The following PRTFDC1 variants were observed in gnomAD, a reference collection of about 807,000 sequenced individuals.
PRTFDC1 encodes the protein phosphoribosyl transferase domain containing 1.
PRTFDC1 carries 38 observed loss-of-function variants against 34.6 expected under a neutral mutation model. That is an observed-to-expected ratio of 1.10 (90% CI 0.85 to 1.44). The LOEUF (loss-of-function observed/expected upper bound fraction) is 1.44. Ranked by LOEUF, PRTFDC1 falls within the 40% of genes most tolerant of loss-of-function variation. The pLI, the probability that PRTFDC1 is intolerant of heterozygous loss-of-function variation, is 0.00. For missense variants in PRTFDC1, 270 were observed against 283.0 expected (o/e 0.95, Z 0.33); for synonymous variants, 93 against 98.1 (o/e 0.95, Z 0.31).
intron 3 of PRTFDC1, among the ~76,000 whole-genome samples, chr10:24,921,265 T>C (rs1248999292): frequency 6.6e-6 from 1 of 152,146 alleles, no homozygotes; most frequent in Non-Finnish European, 1.5e-5. Flanking sequence ...TCAGATCTCT[T>C]ACACACGCCA....
At chr10:24,935,902 C>T (rs903880246) in intron 3 of PRTFDC1, among the ~76,000 whole-genome samples, 2 of 152,178 alleles carry the variant, frequency 1.3e-5, no homozygotes, top group African/African-American at 4.8e-5. Flanking sequence ...TGCCAACAGT[C>T]AGTGATCTTG....
At chr10:24,950,657 A>G (rs1336637462) in intron 1 of PRTFDC1, among the ~76,000 whole-genome samples, 3 of 151,514 alleles carry the variant, frequency 2.0e-5, no homozygotes, top group Admixed American at 1.3e-4. Flanking sequence ...CTGCTCAACA[A>G]TGCTCTATTC....
At chr10:24,949,711 T>TTTTGTTTG (rs1234679861) in intron 1 of PRTFDC1, among the ~76,000 whole-genome samples, 1 of 137,398 alleles carries the variant, frequency 7.3e-6, no homozygotes, top group African/African-American at 3.0e-5. Context: ...TACTCATTTT[T>TTTTGTTTG]TTTGTTTATT....
At chr10:24,907,785 C>T (rs1317097887) in intron 3 of PRTFDC1, among the ~76,000 whole-genome samples, 1 of 152,160 alleles carries the variant, frequency 6.6e-6, no homozygotes, top group East Asian at 1.9e-4. Context: ...ATGTGTTATA[C>T]ATTTATTGTT....
rs373907318 is a variant in PRTFDC1, at chr10:24,871,987, C to T, written c.405+11G>A. 1.9e-6 allele frequency: 3 copies of T among 1,602,784 alleles called. No homozygotes were observed. The African/African-American group carries it at 4.0e-5, about 21-fold the overall frequency. ...CCTCAATGCGGTCTGAGCACAGTTACATGAACAAACCTTTCCAGCCAGCGT... is the reference window on the plus strand; with the variant it reads ...CCTCAATGCGGTCTGAGCACAGTTATATGAACAAACCTTTCCAGCCAGCGT... On this transcript the variant is annotated intron_variant, in intron 4 of 8. Transcript: ENST00000320152.
intron 4 of PRTFDC1, among the ~76,000 whole-genome samples, chr10:24,861,096 T>C (rs1015174684): frequency 2.0e-5 from 3 of 152,100 alleles, no homozygotes; most frequent in Non-Finnish European, 4.4e-5. Flanking sequence ...TAAGATATAG[T>C]GGTAAGTGGG....
chr10:24,893,503 T>C (rs565091660), intron 3 of PRTFDC1, among the ~76,000 whole-genome samples: 185 of 152,240 alleles, frequency 1.2e-3, no homozygotes, highest in African/African-American at 4.3e-3. Context: ...TAGAGACAGG[T>C]CTCAATAGGT....
chr10:24,935,525 G>T (rs1412956938), intron 3 of PRTFDC1, among the ~76,000 whole-genome samples: 1 of 152,174 alleles, frequency 6.6e-6, no homozygotes, highest in African/African-American at 2.4e-5. Context: ...AGAGTCACAT[G>T]AGGAATGTGG....
At chr10:24,937,440 G>T in intron 2 of PRTFDC1, 73 bp from the exon 3 acceptor site, 1 of 1,363,872 alleles carries the variant, frequency 7.3e-7, no homozygotes, top group Non-Finnish European at 1.0e-6. Context: ...TGAAATGCAA[G>T]ATGTATTGTA....
At chr10:24,940,886 GC>G (rs1343341750) in intron 2 of PRTFDC1, among the ~76,000 whole-genome samples, 1 of 152,184 alleles carries the variant, frequency 6.6e-6, no homozygotes, top group African/African-American at 2.4e-5. Context: ...GGAAGTGGGA[GC>G]AGGGATTGGC....
At chr10:24,862,532 G>T (rs117081154) in intron 4 of PRTFDC1, among the ~76,000 whole-genome samples, 1 of 151,870 alleles carries the variant, frequency 6.6e-6, no homozygotes, top group East Asian at 1.9e-4. Flanking sequence ...GCACCATCAC[G>T]CATGCATAAT....
At chr10:24,912,730 C>T (rs1326173464) in intron 3 of PRTFDC1, among the ~76,000 whole-genome samples, 2 of 152,082 alleles carry the variant, frequency 1.3e-5, no homozygotes, top group Non-Finnish European at 2.9e-5. Flanking sequence ...TCTCTTTTAC[C>T]TCATATCCAA....
In PRTFDC1 at chr10:24,937,169, C is replaced by T. The variant is rs183328220; in HGVS notation, c.339+15G>A. On this transcript the variant is annotated intron_variant, in intron 3 of 8. Transcript: ENST00000320152. ...TTAAATGAAATGTCATAAAGCGGAA[C>T]TTGTAATAACTTACCCTGTAACTTT... 6.3e-7 allele frequency: 1 copy of T among 1,587,250 alleles called. No individual in the cohort carries two copies. The highest frequency in any genetic ancestry group is 1.7e-5 in the Admixed American group (1 of 58,166).
At chr10:24,908,806 C>A in intron 3 of PRTFDC1, 2 of 1,384,852 alleles carry the variant, frequency 1.4e-6, no homozygotes, top group Non-Finnish European at 1.9e-6. Flanking sequence ...AGATAGCCCT[C>A]ACATCCCCCT....
At chr10:24,939,205 G>A (rs1321194996) in intron 2 of PRTFDC1, among the ~76,000 whole-genome samples, 2 of 151,348 alleles carry the variant, frequency 1.3e-5, no homozygotes, top group Non-Finnish European at 2.9e-5. Context: ...GGAAGCTGAG[G>A]CAGGAGAATC....
chr10:24,928,985 A>G (rs148436507), intron 3 of PRTFDC1, among the ~76,000 whole-genome samples: 2,088 of 147,226 alleles, frequency 0.014, 45 homozygotes, highest in African/African-American at 0.05. Flanking sequence ...GCTTGCAGTG[A>G]GTCGAGATCG....
intron 3 of PRTFDC1, among the ~76,000 whole-genome samples, chr10:24,917,462 G>C (rs573785295): frequency 1.3e-5 from 2 of 152,156 alleles, no homozygotes; most frequent in Non-Finnish European, 2.9e-5. Context: ...TCTTACTTTA[G>C]AGATACCAAG....
rs1420703769 is a variant in PRTFDC1 at position 24,942,299 on chromosome 10, G to A, written c.155+31C>T. ...ACAAGTGTGGGCCGGCCCAGTGCAGGACCAAGATTGACACAGGAAATCACA... is the reference window on the plus strand; with the variant it reads ...ACAAGTGTGGGCCGGCCCAGTGCAGAACCAAGATTGACACAGGAAATCACA... On this transcript the variant is annotated intron_variant, in intron 2 of 8. Coordinates refer to ENST00000320152, the MANE Select transcript of PRTFDC1 (RefSeq NM_020200.7). 3 of 1,554,974 alleles carry A rather than the reference G, an allele frequency of 1.9e-6. No individual in the cohort carries two copies. In the African/African-American group the frequency reaches 4.1e-5, roughly 21 times the overall value.
chr10:24,858,273 G>T, intron 5 of PRTFDC1, 119 bp downstream of exon 5: 3 of 1,022,654 alleles, frequency 2.9e-6, no homozygotes, highest in Non-Finnish European at 4.5e-6. Context: ...AATTTGGAGA[G>T]CATGCACCCA....
Sources: gnomAD v4.1 joint callset for allele counts (sites outside exome capture counted in the v4.1 genomes callset) on GRCh38, gnomAD v4.1.1 for gene constraint, MANE v1.5 for transcripts, NCBI Gene and HGNC (gene_info 2026-07-23, HGNC 2026-07-21) for gene names.